Variants in NBEA observed in about 807,000 individuals in gnomAD.
The protein encoded by NBEA is neurobeachin.
A neutral mutation model predicts 343.4 loss-of-function variants in NBEA; 44 were observed. The observed-to-expected ratio is 0.13, with a 90% CI of 0.10 to 0.16. The LOEUF (loss-of-function observed/expected upper bound fraction) is 0.16, where lower values mean the gene tolerates loss of function less well. Ranked by LOEUF, NBEA falls within the 10% of genes least tolerant of loss-of-function variation. NBEA has a pLI of 1.00. For missense variants in NBEA, 2,555 were observed against 3,631.3 expected (o/e 0.70, Z 7.62); for synonymous variants, 1,175 against 1,238.7 (o/e 0.95, Z 1.08).
chr13:35,053,662 A>C (rs868757331), intron 6 of NBEA, among the ~76,000 whole-genome samples: 1 of 152,108 alleles, frequency 6.6e-6, no homozygotes, highest in Admixed American at 6.6e-5. Context: ...GGCTCAGTAC[A>C]TTTTTTGAAT....
Position 35,042,853 on chromosome 13 carries a change from T to A in NBEA, c.526+1689T>A, listed in dbSNP as rs1318488889. On this transcript the variant is annotated intron_variant, in intron 2 of 58. Transcript: ENST00000379939. ...ATACTAAGGAAGAACCAGTAGCCACTAAAACACGACTAACAGTTCATATCT... is the reference window on the plus strand; with the variant it reads ...ATACTAAGGAAGAACCAGTAGCCACAAAAACACGACTAACAGTTCATATCT... 3.3e-5 allele frequency among the ~76,000 whole-genome samples: 5 copies of A among 151,850 alleles called. No individual in the cohort carries two copies. In the East Asian group the frequency reaches 9.6e-4, roughly 29 times the overall value.
chr13:35,520,471 T>TA (rs2077659538), intron 41 of NBEA, among the ~76,000 whole-genome samples: 1 of 152,172 alleles, frequency 6.6e-6, no homozygotes, highest in South Asian at 2.1e-4. Context: ...AGAAAGTTTT[T>TA]ATAGGATAAG....
chr13:35,630,679 A>G (rs7321187), intron 49 of NBEA, among the ~76,000 whole-genome samples: 45,041 of 151,916 alleles, frequency 0.3, 7,009 homozygotes, highest in African/African-American at 0.34. Context: ...CCTCAACCCT[A>G]TAATTCTGTG....
At chr13:35,141,465 C>G (rs1234205247) in intron 17 of NBEA, among the ~76,000 whole-genome samples, 1 of 152,104 alleles carries the variant, frequency 6.6e-6, no homozygotes, top group Non-Finnish European at 1.5e-5. Flanking sequence ...TGGGGTTTCA[C>G]CACATTGGCC....
intron 1 of NBEA, among the ~76,000 whole-genome samples, chr13:34,987,343 G>A (rs1302726704): frequency 6.6e-6 from 1 of 151,098 alleles, no homozygotes; most frequent in Non-Finnish European, 1.5e-5. Context: ...CTGGCTTGTA[G>A]AGTTTCTGCC....
intron 41 of NBEA, among the ~76,000 whole-genome samples, chr13:35,543,170 T>TAAA (rs2078911392): frequency 6.6e-6 from 1 of 152,126 alleles, no homozygotes; most frequent in Non-Finnish European, 1.5e-5. Context: ...TAATTAAGCA[T>TAAA]AAAAAATGAA....
chr13:35,649,694 A>T lies in NBEA; in HGVS notation c.7810A>T (p.Met2604Leu), dbSNP rs747685910. ...GAGTCCGCTCATGTTTAAAGATCAG[A>T]TGCAACAGGATGTGATAATGGTGCT... is the stretch of plus-strand genomic sequence containing the variant. ...PQSPLMFKDQ[M>L]QQDVIMVLKF... Residue 2604 changes from methionine (M) to leucine (L), a missense_variant, in exon 52 of 59, where the codon ATG becomes TTG. Met to Leu is a conservative substitution (Grantham distance 15, BLOSUM62 2). Transcript: ENST00000379939. The T allele has an allele frequency of 2.5e-6, 4 of 1,613,830 alleles. No homozygotes were observed. The highest frequency in any genetic ancestry group is 3.4e-6 in the Non-Finnish European group (4 of 1,179,852).
rs1566399036 is a variant in NBEA at position 35,606,510 on chromosome 13, G to A, written c.7381G>A (p.Val2461Met). ...TCTTGGAGTCAGAGAAGATGAAGTA[G>A]TGGTAAATGATGTTGATCTTCCCCC... ...YNLGVREDEV[V>M]VNDVDLPPWA... Residue 2461 changes from valine (V) to methionine (M), a missense_variant, in exon 48 of 59, where the codon GTG (valine) becomes ATG (methionine). By Grantham distance (21) the Val-to-Met change is conservative (BLOSUM62 1). Transcript: ENST00000379939. 3 of 1,607,428 alleles carry A rather than the reference G, an allele frequency of 1.9e-6. No homozygotes were observed. The African/African-American group carries it at 4.0e-5, about 21-fold the overall frequency.
chr13:35,474,063 G>T (rs1278228595), intron 41 of NBEA: 1 of 152,080 alleles, frequency 6.6e-6, no homozygotes, highest in Non-Finnish European at 1.5e-5. Flanking sequence ...TATACAGAAA[G>T]AGCTTTTCTC....
intron 1 of NBEA, among the ~76,000 whole-genome samples, chr13:35,028,205 A>G (rs1338078577): frequency 1.3e-5 from 2 of 151,918 alleles, no homozygotes; most frequent in Non-Finnish European, 2.9e-5. Flanking sequence ...ACATCTACTA[A>G]AAATATTTCC....
At chr13:35,352,411 A>AT in intron 38 of NBEA, 88 bp downstream of exon 38, 1 of 670,240 alleles carries the variant, frequency 1.5e-6, no homozygotes. Flanking sequence ...TTTAAAAGTC[A>AT]TTTAGAAAAT....
intron 34 of NBEA, among the ~76,000 whole-genome samples, chr13:35,255,565 C>A (rs893352173): frequency 6.6e-6 from 1 of 152,230 alleles, no homozygotes; most frequent in African/African-American, 2.4e-5. Flanking sequence ...TTCATGCAGG[C>A]CTGCAGCTAG....
At chr13:35,072,300 T>C (rs1353159309) in intron 10 of NBEA, among the ~76,000 whole-genome samples, 1 of 152,092 alleles carries the variant, frequency 6.6e-6, no homozygotes, top group African/African-American at 2.4e-5. Context: ...TAAAACCATA[T>C]GTAATAGGTT....
intron 13 of NBEA, among the ~76,000 whole-genome samples, chr13:35,116,957 A>T (rs1374009695): frequency 6.6e-6 from 1 of 152,056 alleles, no homozygotes; most frequent in Non-Finnish European, 1.5e-5. Context: ...TAGGCTGCAA[A>T]ACAAATAATT....
intron 33 of NBEA, among the ~76,000 whole-genome samples, chr13:35,218,724 ATCTTATGCTTTTTAAATATACACT>A (rs2152759447): frequency 6.6e-6 from 1 of 152,100 alleles, no homozygotes; most frequent in East Asian, 1.9e-4. Flanking sequence ...GTTGAAGTTT[ATCTTATGCTTTTTAAATATACACT>A]AAGATGATCA....
chr13:35,347,699 A>T (rs1252636936), intron 36 of NBEA, among the ~76,000 whole-genome samples: 1 of 151,802 alleles, frequency 6.6e-6, no homozygotes, highest in Non-Finnish European at 1.5e-5. Flanking sequence ...TTCCTCCTCC[A>T]TCTCCTCCAT....
intron 1 of NBEA, among the ~76,000 whole-genome samples, chr13:34,971,082 A>C (rs956249828): frequency 4.0e-5 from 6 of 150,778 alleles, no homozygotes; most frequent in African/African-American, 1.5e-4. Flanking sequence ...CACTGTAGAG[A>C]TCTTTCACCT....
intron 34 of NBEA, among the ~76,000 whole-genome samples, chr13:35,248,603 C>T (rs977738352): frequency 1.1e-4 from 13 of 113,776 alleles, no homozygotes; most frequent in Non-Finnish European, 1.8e-4. Flanking sequence ...AACAAACAAG[C>T]AAACAAATAA....
chr13:35,328,152 A>G (rs1361737358), intron 36 of NBEA, among the ~76,000 whole-genome samples: 1 of 151,982 alleles, frequency 6.6e-6, no homozygotes, highest in Non-Finnish European at 1.5e-5. Context: ...ATTAGAACTA[A>G]TAAGTAAATT....
Sources: allele counts gnomAD v4.1 joint callset (sites outside exome capture counted in the v4.1 genomes callset), GRCh38; gene constraint gnomAD v4.1.1; transcripts MANE v1.5; gene names NCBI Gene and HGNC (gene_info 2026-07-23, HGNC 2026-07-21).